The following ARFGEF2 variants were observed in gnomAD, a reference collection of about 807,000 sequenced individuals.
ARFGEF2 encodes ARF guanine nucleotide exchange factor 2, also known as brefeldin A-inhibited guanine nucleotide-exchange protein 2.
ARFGEF2 carries 74 observed loss-of-function variants against 219.9 expected under a neutral mutation model. That is an observed-to-expected ratio of 0.34 (90% confidence interval 0.28 to 0.41). The LOEUF is 0.41. Ranked by LOEUF, ARFGEF2 falls within the 10% of genes least tolerant of loss-of-function variation. The pLI, the probability that ARFGEF2 is intolerant of heterozygous loss-of-function variation, is 1.00. For synonymous variants in ARFGEF2, 733 were observed against 799.2 expected, an observed-to-expected ratio of 0.92 and a Z score of 1.40; for missense variants, 1,743 against 2,218.3, an observed-to-expected ratio of 0.79 and a Z score of 4.30.
At chr20:48,984,665 C>A in intron 14 of ARFGEF2, 64 bp from the exon 15 acceptor site, 1 of 1,590,070 alleles carries the variant, frequency 6.3e-7, no homozygotes, top group Non-Finnish European at 8.6e-7. Flanking sequence ...ATCTCAAATA[C>A]CAGCTTTTGC....
intron 30 of ARFGEF2, 117 bp downstream of exon 30, chr20:49,014,077 T>G: frequency 7.2e-7 from 1 of 1,380,612 alleles, no homozygotes; most frequent in Non-Finnish European, 1.0e-6. Context: ...ACTGAGCAAC[T>G]TAAGGTTTTA....
At chr20:48,970,981 C>A in intron 9 of ARFGEF2, 139 bp from the exon 10 acceptor site, 1 of 751,836 alleles carries the variant, frequency 1.3e-6, no homozygotes, top group Non-Finnish European at 2.3e-6. Flanking sequence ...ATGCCATCTG[C>A]CCTCATTCTC....
At chr20:48,928,883 C>A (rs1384987368) in intron 1 of ARFGEF2, among the ~76,000 whole-genome samples, 2 of 152,174 alleles carry the variant, frequency 1.3e-5, no homozygotes, top group Non-Finnish European at 2.9e-5. Flanking sequence ...TTGTAAGTCT[C>A]CAACATGAGT....
At chr20:49,026,853 T>C (rs2091606903) in intron 36 of ARFGEF2, among the ~76,000 whole-genome samples, 1 of 152,162 alleles carries the variant, frequency 6.6e-6, no homozygotes, top group Admixed American at 6.5e-5. Flanking sequence ...CCCAAAGTTC[T>C]AGGATTACAG....
At chr20:48,931,672 G>C (rs1268350213) in intron 1 of ARFGEF2, among the ~76,000 whole-genome samples, 1 of 150,970 alleles carries the variant, frequency 6.6e-6, no homozygotes, top group East Asian at 2.0e-4. Flanking sequence ...GAGATATCTG[G>C]GGGGAGGGAG....
chr20:49,031,925 A>T, intron 37 of ARFGEF2, 124 bp from the exon 38 acceptor site: 2 of 855,408 alleles, frequency 2.3e-6, no homozygotes, highest in Non-Finnish European at 3.9e-6. Flanking sequence ...CTCAAAAAAA[A>T]AAAAGTAATT....
At chr20:49,014,176 C>T (rs2091517215) in intron 30 of ARFGEF2, among the ~76,000 whole-genome samples, 8 of 152,010 alleles carry the variant, frequency 5.3e-5, no homozygotes, top group Admixed American at 5.2e-4. Context: ...AGAGGAAATA[C>T]ATCTCTGTGG....
chr20:49,005,290 C>G, intron 26 of ARFGEF2, 69 bp downstream of exon 26: 2 of 1,582,030 alleles, frequency 1.3e-6, no homozygotes, highest in Non-Finnish European at 1.7e-6. Flanking sequence ...CCTCCTAACA[C>G]TAACCACATG....
chr20:48,999,997 A>G (rs912912808), intron 25 of ARFGEF2, among the ~76,000 whole-genome samples: 2 of 152,226 alleles, frequency 1.3e-5, no homozygotes, highest in South Asian at 2.1e-4. Context: ...ATTGGGGTAT[A>G]GAATAATCAA....
At chr20:48,942,124 CT>C in intron 3 of ARFGEF2, 137 bp downstream of exon 3, 1 of 1,227,784 alleles carries the variant, frequency 8.1e-7, no homozygotes, top group South Asian at 1.3e-5. Context: ...TTAACGTATT[CT>C]TTTTGGAGAT....
intron 3 of ARFGEF2, among the ~76,000 whole-genome samples, chr20:48,946,787 A>G (rs1284896738): frequency 6.6e-6 from 1 of 151,706 alleles, no homozygotes; most frequent in Non-Finnish European, 1.5e-5. Flanking sequence ...GGCGTGAGCC[A>G]CTGTGCCCAG....
chr20:49,021,262 TAATGAAAAA>T (rs931742307), intron 34 of ARFGEF2, among the ~76,000 whole-genome samples: 20 of 151,720 alleles, frequency 1.3e-4, no homozygotes, highest in Admixed American at 2.6e-4. Context: ...ATTTTTTTTT[TAATGAAAAA>T]AATGAAAAAA....
At chr20:48,955,787 A>G (rs2091101901) in intron 6 of ARFGEF2, among the ~76,000 whole-genome samples, 1 of 152,096 alleles carries the variant, frequency 6.6e-6, no homozygotes, top group South Asian at 2.1e-4. Context: ...AAAAAGAGCA[A>G]GTGGGCTGGG....
At chr20:49,016,150 C>A (rs2091528443) in intron 30 of ARFGEF2, 130 bp from the exon 31 acceptor site, 1 of 951,408 alleles carries the variant, frequency 1.1e-6, no homozygotes, top group Non-Finnish European at 1.6e-6. Flanking sequence ...AATGTATTAA[C>A]ATTTTTAAGA....
At position 49,034,143 on chromosome 20, in the gene ARFGEF2, T is replaced by TA. The variant is rs1415911643; in HGVS notation, c.*945dup. The TA allele has an allele frequency of 6.6e-6, 1 of 152,190 alleles. No homozygotes were observed. Among genetic ancestry groups the TA allele is most frequent in the Non-Finnish European group, 1.5e-5 (1 of 68,034 alleles). The allele number at this position is 152,190 out of a possible 1,614,324, so 9.4% of individuals were successfully genotyped here. On this transcript the variant is annotated 3_prime_UTR_variant, in exon 39 of 39. Transcript: ENST00000371917. The stretch of plus-strand genomic sequence containing the variant: ...TCAGAAAAGTGAGTGTACTGGCAGT[T>TA]AGTGTCACTGCTTTGCACAGTCCCC...
intron 26 of ARFGEF2, among the ~76,000 whole-genome samples, chr20:49,006,488 G>A (rs1376368868): frequency 6.6e-6 from 1 of 152,084 alleles, no homozygotes; most frequent in African/African-American, 2.4e-5. Context: ...ATAAATATCA[G>A]TGGTGGTAAT....
intron 37 of ARFGEF2, among the ~76,000 whole-genome samples, chr20:49,030,244 G>A (rs1267441114): frequency 2.6e-5 from 4 of 151,976 alleles, no homozygotes; most frequent in Non-Finnish European, 4.4e-5. Context: ...ACTTAATGTG[G>A]GAACTTTTTC....
At position 48,921,809 on chromosome 20, in the gene ARFGEF2, G is replaced by A. The variant is rs2123247022; in HGVS notation, c.-81G>A. On this transcript the variant is annotated 5_prime_UTR_variant, in exon 1 of 39. Transcript: ENST00000371917. ...GACGGACGCGGCCGGTGCCGGCCGG[G>A]ACGCCGGGCCCGCAGCCTAGCTCGC... 3 of 1,244,842 alleles carry A rather than the reference G, an allele frequency of 2.4e-6. No individual in the cohort carries two copies. Among genetic ancestry groups the A allele is most frequent in the Non-Finnish European group, 3.0e-6 (3 of 988,438 alleles). 77.1% of individuals were successfully genotyped at this position (1,244,842 alleles called of 1,614,324 possible).
At chr20:49,003,698 C>G (rs547776107) in intron 25 of ARFGEF2, among the ~76,000 whole-genome samples, 8 of 152,272 alleles carry the variant, frequency 5.3e-5, no homozygotes, top group Admixed American at 5.2e-4. Context: ...CAAGATATCC[C>G]CAGATCTCCT....
Sources: gnomAD v4.1 joint callset for allele counts (sites outside exome capture counted in the v4.1 genomes callset) on GRCh38, gnomAD v4.1.1 for gene constraint, MANE v1.5 for transcripts, NCBI Gene and HGNC (gene_info 2026-07-23, HGNC 2026-07-21) for gene names.